Variants in GPM6B observed in about 807,000 individuals in gnomAD.
GPM6B encodes the protein glycoprotein M6B, also known as neuronal membrane glycoprotein M6-b.
A neutral mutation model predicts 27.2 loss-of-function variants in GPM6B; 4 were observed. The observed-to-expected ratio is 0.15, with a 90% CI of 0.07 to 0.34. The LOEUF is 0.34. Ranked by LOEUF, GPM6B falls within the 10% of genes least tolerant of loss-of-function variation. The pLI is 1.00. For synonymous variants in GPM6B, 124 were observed against 103.1 expected, an observed-to-expected ratio of 1.20 and a Z score of -1.23; for missense variants, 183 against 261.9, an observed-to-expected ratio of 0.70 and a Z score of 2.08.
chrX:13,822,456 C>G (rs1248033117), intron 1 of GPM6B, among the ~76,000 whole-genome samples: 1 of 110,932 alleles, frequency 9.0e-6, no homozygotes, highest in East Asian at 2.8e-4. Flanking sequence ...ACCTCTGCCT[C>G]CCAGGTTCAA....
intron 2 of GPM6B, among the ~76,000 whole-genome samples, chrX:13,796,275 A>AC (rs1404344757): frequency 3.6e-5 from 4 of 110,380 alleles, no homozygotes; most frequent in African/African-American, 1.3e-4. Flanking sequence ...CGCCATGTTG[A>AC]CCAGGCTGGT....
chrX:13,823,146 T>C (rs1031903811), intron 1 of GPM6B, among the ~76,000 whole-genome samples: 5 of 112,961 alleles, frequency 4.4e-5, no homozygotes, highest in Admixed American at 1.9e-4. Context: ...TATACTTTCC[T>C]TTATAGGAAA....
chrX:13,853,030 G>A (rs1026946838), intron 1 of GPM6B, among the ~76,000 whole-genome samples: 2 of 110,838 alleles, frequency 1.8e-5, no homozygotes, highest in Non-Finnish European at 3.8e-5. Flanking sequence ...TGGATCAAAG[G>A]GTCAATGAAT....
intron 1 of GPM6B, among the ~76,000 whole-genome samples, chrX:13,835,542 C>A (rs964600368): frequency 6.3e-5 from 7 of 111,962 alleles, no homozygotes; most frequent in Non-Finnish European, 1.1e-4. Flanking sequence ...TTTCTTAACT[C>A]CTTGGTGCCT....
chrX:13,787,787 T>A (rs2048641027), intron 2 of GPM6B, among the ~76,000 whole-genome samples: 1 of 111,747 alleles, frequency 8.9e-6, no homozygotes, highest in Non-Finnish European at 1.9e-5. Flanking sequence ...ACGTATCTCA[T>A]TATAAAGAGA....
At chrX:13,901,919 TA>T (rs1027091621) in intron 1 of GPM6B, among the ~76,000 whole-genome samples, 1 of 112,066 alleles carries the variant, frequency 8.9e-6, no homozygotes, top group African/African-American at 3.2e-5. Flanking sequence ...TGTTTTATTT[TA>T]AAAAAAGAAT....
rs140231041 is a variant in GPM6B at position 13,834,020 on chromosome X, T to G, written c.-197-48212A>C. Among the ~76,000 whole-genome samples, 1,084 of 112,614 alleles carry G rather than the reference T, an allele frequency of 9.6e-3. 9 individuals are homozygous for G. The highest frequency in any genetic ancestry group is 0.033 in the African/African-American group (1,017 of 31,023). On this transcript the variant is annotated intron_variant, in intron 1 of 6. Transcript: ENST00000398361. ...GGCACTGGAGTCAAACAACCTAGGA[T>G]TTCTTCCCAGAAACTACAACGAGAA... is the stretch of plus-strand genomic sequence containing the variant.
At position 13,783,348 on chromosome X, in the gene GPM6B, T is replaced by C. The variant is rs920221548; in HGVS notation, c.525+17A>G. 3 of 1,156,090 alleles carry C rather than the reference T, an allele frequency of 2.6e-6. No individual in the cohort carries two copies. The highest frequency in any genetic ancestry group is 2.3e-6 in the Non-Finnish European group (2 of 863,274). ...TGGTTGTATATCAAACAATCAGTTA[T>C]CAGAGGTTCAACTCACCATTCCACT... On this transcript the variant is annotated intron_variant, in intron 4 of 7. Transcript: ENST00000316715.
At chrX:13,889,578 A>G (rs1024332025) in intron 1 of GPM6B, 1 of 111,631 alleles carries the variant, frequency 9.0e-6, no homozygotes, top group African/African-American at 3.3e-5. Flanking sequence ...TGGAGCAGGG[A>G]TGGTTTCACA....
chrX:13,827,824 G>A (rs2049394025), intron 1 of GPM6B, among the ~76,000 whole-genome samples: 2 of 112,241 alleles, frequency 1.8e-5, no homozygotes, highest in South Asian at 3.7e-4. Context: ...GAACCCTTCT[G>A]AGAACTCAGG....
At chrX:13,860,755 C>T (rs988560399) in intron 1 of GPM6B, among the ~76,000 whole-genome samples, 2 of 109,809 alleles carry the variant, frequency 1.8e-5, no homozygotes, top group Non-Finnish European at 3.8e-5. Flanking sequence ...ACACTGTACC[C>T]AATGTGTAGT....
intron 1 of GPM6B, among the ~76,000 whole-genome samples, chrX:13,828,878 G>A (rs1319885238): frequency 8.9e-6 from 1 of 111,813 alleles, no homozygotes; most frequent in African/African-American, 3.3e-5. Flanking sequence ...ATGAAGAAAC[G>A]AAGACCAAAG....
intron 2 of GPM6B, among the ~76,000 whole-genome samples, chrX:13,805,936 C>A (rs1159520973): frequency 9.0e-6 from 1 of 111,065 alleles, no homozygotes; most frequent in Non-Finnish European, 1.9e-5. Flanking sequence ...TTAAAAAATA[C>A]CCCTTTCCCC....
intron 1 of GPM6B, among the ~76,000 whole-genome samples, chrX:13,935,353 A>C (rs1340697095): frequency 9.5e-6 from 1 of 104,974 alleles, no homozygotes; most frequent in Non-Finnish European, 1.9e-5. Flanking sequence ...AAAAAAAAAA[A>C]AAAACTGTAA....
intron 1 of GPM6B, among the ~76,000 whole-genome samples, chrX:13,929,761 A>G (rs1464424718): frequency 1.8e-5 from 2 of 111,644 alleles, no homozygotes; most frequent in African/African-American, 6.5e-5. Flanking sequence ...TATAATGCGC[A>G]GGACAGCCCT....
intron 4 of GPM6B, among the ~76,000 whole-genome samples, chrX:13,782,803 C>A: frequency 9.3e-6 from 1 of 107,468 alleles, no homozygotes; most frequent in East Asian, 2.9e-4. Flanking sequence ...GGCTCTTGAG[C>A]TGTACAAAAA....
At chrX:13,781,559 C>G (rs892106797) in intron 4 of GPM6B, among the ~76,000 whole-genome samples, 1 of 111,196 alleles carries the variant, frequency 9.0e-6, no homozygotes, top group Admixed American at 9.5e-5. Flanking sequence ...CAAGCCAGAC[C>G]AGGCATAAGT....
intron 1 of GPM6B, among the ~76,000 whole-genome samples, chrX:13,896,648 T>C (rs1282711387): frequency 9.1e-6 from 1 of 109,530 alleles, no homozygotes; most frequent in Non-Finnish European, 1.9e-5. Context: ...GCTCACTGCA[T>C]CCTCTGCCTC....
At chrX:13,811,247 T>C (rs2049126045) in intron 1 of GPM6B, among the ~76,000 whole-genome samples, 1 of 112,087 alleles carries the variant, frequency 8.9e-6, no homozygotes, top group South Asian at 3.7e-4. Flanking sequence ...CAAGGGGAAA[T>C]TGCAAAAAGG....
Sources: gnomAD v4.1 joint callset for allele counts (sites outside exome capture counted in the v4.1 genomes callset) on GRCh38, gnomAD v4.1.1 for gene constraint, MANE v1.5 for transcripts, NCBI Gene and HGNC (gene_info 2026-07-23, HGNC 2026-07-21) for gene names.